Variants in ARB2A observed in about 807,000 individuals in gnomAD.
The protein encoded by ARB2A is ARB2 cotranscriptional regulator A.
chr5:93,698,003 A>T, the ARB2A span, among the ~76,000 whole-genome samples: 4,302 of 152,242 alleles, frequency 0.028, 193 homozygotes, highest in African/African-American at 0.098. Flanking sequence ...TTTTATTAAA[A>T]AAATGCAATA....
chr5:93,988,281 CT>C, the ARB2A span, among the ~76,000 whole-genome samples: 2 of 152,104 alleles, frequency 1.3e-5, no homozygotes, highest in Non-Finnish European at 2.9e-5. Flanking sequence ...CCCAGTGCCC[CT>C]AGAATAATGA....
At chr5:93,944,627 G>A in the ARB2A span, among the ~76,000 whole-genome samples, 1 of 151,180 alleles carries the variant, frequency 6.6e-6, no homozygotes, top group African/African-American at 2.4e-5. Flanking sequence ...GGAGGGGAGG[G>A]GTGAGGAGAT....
At chr5:93,915,522 A>C in the ARB2A span, among the ~76,000 whole-genome samples, 1 of 151,870 alleles carries the variant, frequency 6.6e-6, no homozygotes, top group African/African-American at 2.4e-5. Context: ...AGATAATCAC[A>C]AAGATGTGGT....
the ARB2A span, among the ~76,000 whole-genome samples, chr5:93,782,706 C>T: frequency 6.6e-6 from 1 of 152,008 alleles, no homozygotes; most frequent in Non-Finnish European, 1.5e-5. Flanking sequence ...AACATGTTTG[C>T]AAGGTAGGTA....
chr5:93,709,380 A>C, the ARB2A span, among the ~76,000 whole-genome samples: 1 of 152,022 alleles, frequency 6.6e-6, no homozygotes, highest in African/African-American at 2.4e-5. Context: ...CACACCTGTA[A>C]TCCCAGCACT....
the ARB2A span, among the ~76,000 whole-genome samples, chr5:94,042,614 C>A: frequency 3.3e-5 from 5 of 152,082 alleles, no homozygotes; most frequent in South Asian, 1.0e-3. Flanking sequence ...CACAAAAGAT[C>A]TGCTTTTAAC....
At chr5:94,029,049 C>T in the ARB2A span, among the ~76,000 whole-genome samples, 1 of 151,992 alleles carries the variant, frequency 6.6e-6, no homozygotes, top group South Asian at 2.1e-4. Flanking sequence ...GGTCTGTCAC[C>T]CAGGCTGCAG....
the ARB2A span, among the ~76,000 whole-genome samples, chr5:93,670,085 C>G: frequency 6.6e-6 from 1 of 152,038 alleles, no homozygotes; most frequent in Non-Finnish European, 1.5e-5. Flanking sequence ...TTCATCCTTC[C>G]TATCCCCTCA....
At chr5:93,865,947 A>G in the ARB2A span, 3 of 985,366 alleles carry the variant, frequency 3.0e-6, no homozygotes, top group African/African-American at 1.7e-5. Context: ...GTGTATACAC[A>G]GCACAACTCC....
At chr5:93,764,156 A>G in the ARB2A span, among the ~76,000 whole-genome samples, 83 of 152,328 alleles carry the variant, frequency 5.4e-4, 1 homozygote, top group African/African-American at 1.8e-3. Context: ...AGCAAGAGCA[A>G]ACACATCCAA....
chr5:94,045,961 T>C, the ARB2A span, among the ~76,000 whole-genome samples: 12 of 152,096 alleles, frequency 7.9e-5, no homozygotes, highest in Non-Finnish European at 1.8e-4. Flanking sequence ...AGAGAAAGAT[T>C]GTAACAGAAG....
At chr5:94,020,050 C>A in the ARB2A span, among the ~76,000 whole-genome samples, 3 of 152,082 alleles carry the variant, frequency 2.0e-5, no homozygotes, top group African/African-American at 7.2e-5. Context: ...TAAAGAAATG[C>A]GGCACATGTA....
At chr5:93,757,643 A>G in the ARB2A span, among the ~76,000 whole-genome samples, 1 of 152,062 alleles carries the variant, frequency 6.6e-6, no homozygotes, top group Non-Finnish European at 1.5e-5. Context: ...CATCACATAT[A>G]AAAGATACAG....
chr5:93,766,815 T>C, the ARB2A span, among the ~76,000 whole-genome samples: 1 of 151,994 alleles, frequency 6.6e-6, no homozygotes, highest in Non-Finnish European at 1.5e-5. Context: ...ATAGACTGGA[T>C]TAAGAAAATG....
At chr5:93,918,652 C>A in the ARB2A span, among the ~76,000 whole-genome samples, 3 of 152,004 alleles carry the variant, frequency 2.0e-5, no homozygotes, top group Non-Finnish European at 2.9e-5. Flanking sequence ...AAACTCCTGA[C>A]CTTGGGCGAT....
the ARB2A span, among the ~76,000 whole-genome samples, chr5:93,910,170 A>T: frequency 1.3e-5 from 2 of 151,008 alleles, no homozygotes; most frequent in Non-Finnish European, 3.0e-5. Flanking sequence ...ACTTTGTAGT[A>T]GACATACAGG....
chr5:93,706,332 G>A, the ARB2A span, among the ~76,000 whole-genome samples: 1 of 152,218 alleles, frequency 6.6e-6, no homozygotes, highest in African/African-American at 2.4e-5. Flanking sequence ...TATATGAAAT[G>A]TTCAGAATAG....
chr5:93,966,329 T>C, the ARB2A span, among the ~76,000 whole-genome samples: 10 of 151,984 alleles, frequency 6.6e-5, no homozygotes, highest in Admixed American at 5.3e-4. Flanking sequence ...AATCTGAGAA[T>C]TAAAAAATTA....
At chr5:94,107,413 A>T in the ARB2A span, among the ~76,000 whole-genome samples, 1 of 152,078 alleles carries the variant, frequency 6.6e-6, no homozygotes, top group African/African-American at 2.4e-5. Flanking sequence ...ACAATTTTTC[A>T]TTCATTAAAC....
Sources: allele counts gnomAD v4.1 joint callset (sites outside exome capture counted in the v4.1 genomes callset), GRCh38; gene constraint gnomAD v4.1.1; transcripts MANE v1.5; gene names NCBI Gene and HGNC (gene_info 2026-07-23, HGNC 2026-07-21).